C16orf78: variants seen among roughly 807,000 people sequenced by gnomAD.
C16orf78 encodes the protein chromosome 16 open reading frame 78.
C16orf78 carries 19 observed loss-of-function variants against 27.3 expected under a neutral mutation model. The observed-to-expected ratio is 0.70, with a 90% CI of 0.49 to 1.02. The LOEUF (loss-of-function observed/expected upper bound fraction) is 1.02. Among genes scored for constraint, C16orf78 ranks in the 50% least tolerant of loss-of-function variants. The probability of loss-of-function intolerance (pLI) is 0.00; values close to 1 mark genes in which losing one functional copy is unlikely to be tolerated. For synonymous variants in C16orf78, 130 were observed against 116.1 expected, an observed-to-expected ratio of 1.12 and a Z score of -0.77; for missense variants, 339 against 337.0, an observed-to-expected ratio of 1.01 and a Z score of -0.05.
At chr16:49,377,936 C>T in intron 2 of C16orf78, 86 bp downstream of exon 2, 2 of 1,478,326 alleles carry the variant, frequency 1.4e-6, no homozygotes, top group South Asian at 2.6e-5. Flanking sequence ...ATAATGCCTG[C>T]CTACTTTCTA....
chr16:49,378,640 TCTC>T lies in C16orf78; in HGVS notation c.394+54_394+56del, dbSNP rs760219055. 18 of 1,609,720 alleles carry T rather than the reference TCTC, an allele frequency of 1.1e-5. No individual in the cohort carries two copies. The African/African-American group carries it at 1.2e-4, about 11-fold the overall frequency. ...CGGCCACCAGAATCCTGCTCCATAATCTCCTCCTCTAGAAGAAACCGAAAGCTC... is the reference window on the plus strand; with the variant it reads ...CGGCCACCAGAATCCTGCTCCATAATCTCCTCTAGAAGAAACCGAAAGCTC... On this transcript the variant is annotated intron_variant, in intron 3 of 4. Transcript: ENST00000299191.
rs775361605 is a variant in C16orf78, at chr16:49,396,681, G to A, written c.650+3G>A. ...CCAGAGGAGGTGCTGAGCTGCCGGT[G>A]AGAGCTGCCACCCCCTGGGCAGATG... On this transcript the variant is annotated splice_donor_region_variant and intron_variant, in intron 4 of 4. Transcript: ENST00000299191. 1 of 1,605,056 alleles carries A rather than the reference G, an allele frequency of 6.2e-7. No homozygotes were observed. Among genetic ancestry groups the A allele is most frequent in the Non-Finnish European group, 8.5e-7 (1 of 1,179,776 alleles).
intron 3 of C16orf78, among the ~76,000 whole-genome samples, 170 bp downstream of exon 3, chr16:49,378,763 G>C (rs905908607): frequency 2.6e-5 from 4 of 152,112 alleles, no homozygotes; most frequent in African/African-American, 9.7e-5. Context: ...GACCACTCCT[G>C]GGGTCGCTCT....
chr16:49,393,246 C>A (rs894851253), intron 3 of C16orf78, among the ~76,000 whole-genome samples: 11 of 152,226 alleles, frequency 7.2e-5, no homozygotes, highest in Admixed American at 4.6e-4. Context: ...ACACCTCCTT[C>A]AGAACCAAAT....
intron 4 of C16orf78, among the ~76,000 whole-genome samples, chr16:49,398,815 A>G (rs27798): frequency 0.073 from 11,050 of 152,250 alleles, 1,099 homozygotes; most frequent in African/African-American, 0.22. Context: ...TTATTTATAT[A>G]GCTTTTCTTT....
chr16:49,375,885 G>A (rs1199773858), intron 1 of C16orf78, among the ~76,000 whole-genome samples: 3 of 152,154 alleles, frequency 2.0e-5, no homozygotes, highest in African/African-American at 7.2e-5. Flanking sequence ...TGGTTAATAT[G>A]TTCAGGTCTA....
chr16:49,388,049 C>T (rs1036638263), intron 3 of C16orf78, among the ~76,000 whole-genome samples: 1 of 152,104 alleles, frequency 6.6e-6, no homozygotes, highest in Non-Finnish European at 1.5e-5. Context: ...ATTTGGGAGG[C>T]CGAGACAGGC....
chr16:49,383,221 C>A (rs1965308847), intron 3 of C16orf78, among the ~76,000 whole-genome samples: 2 of 152,342 alleles, frequency 1.3e-5, no homozygotes, highest in African/African-American at 4.8e-5. Flanking sequence ...GCACCCAGGA[C>A]CTAGTCAGGG....
At chr16:49,384,640 C>T (rs1450166032) in intron 3 of C16orf78, among the ~76,000 whole-genome samples, 1 of 152,082 alleles carries the variant, frequency 6.6e-6, no homozygotes, top group Non-Finnish European at 1.5e-5. Context: ...GAAATAATGG[C>T]TGCAAAGTTC....
Position 49,399,122 on chromosome 16 carries a change from C to T in C16orf78, c.651-9C>T. On this transcript the variant is annotated splice_polypyrimidine_tract_variant and intron_variant, in intron 4 of 4. Coordinates refer to ENST00000299191, the MANE Select transcript of C16orf78 (RefSeq NM_144602.4). Reference sequence around the variant, plus strand: ...CTTCAACTGACCTCTTTTGCCTTCTCTTGAACAGATACCTGAGGTTATCCA... The same window carrying T: ...CTTCAACTGACCTCTTTTGCCTTCTTTTGAACAGATACCTGAGGTTATCCA... 6.2e-7 allele frequency: 1 copy of T among 1,613,642 alleles called. No homozygotes were observed. The highest frequency in any genetic ancestry group is 8.5e-7 in the Non-Finnish European group (1 of 1,179,742).
chr16:49,377,685 G>C, intron 1 of C16orf78, 46 bp from the exon 2 acceptor site: 1 of 1,582,718 alleles, frequency 6.3e-7, no homozygotes, highest in Non-Finnish European at 8.6e-7. Context: ...AGGGGATGCT[G>C]TCCCCACAGC....
Position 49,377,812 on chromosome 16 carries a change from C to A in C16orf78, c.232C>A (p.Arg78=). Residue 78 remains arginine (R), a synonymous_variant, in exon 2 of 5, where the codon CGG becomes AGG. Transcript: ENST00000299191. The part of the protein sequence containing the change: ...EKKGKGLMTA[R]GGNRRDTETS... ...GAAAGGCAAAGGCCTCATGACAGCA[C>A]GGGGAGGGAACCGCAGGGACACGGA... 2 of 1,588,986 alleles carry A rather than the reference C, an allele frequency of 1.3e-6. No homozygotes were observed. The highest frequency in any genetic ancestry group is 1.7e-6 in the Non-Finnish European group (2 of 1,166,746).
At chr16:49,384,605 A>G (rs1353180309) in intron 3 of C16orf78, among the ~76,000 whole-genome samples, 1 of 152,122 alleles carries the variant, frequency 6.6e-6, no homozygotes, top group African/African-American at 2.4e-5. Flanking sequence ...TAAGAAGGAG[A>G]ATAGAGTGAT....
In C16orf78 at chr16:49,396,467, C is replaced by A; in HGVS notation, c.439C>A (p.Pro147Thr). Reference sequence around the variant, plus strand: ...AGTCGACCCAGAGTCCACTCAGCGGCCAAACCCATTCCGTCGACAAAGCAT... The same window carrying A: ...AGTCGACCCAGAGTCCACTCAGCGGACAAACCCATTCCGTCGACAAAGCAT... ...DAVDPESTQRPNPFRRQSIVL... is the reference protein window; with the variant it reads ...DAVDPESTQRTNPFRRQSIVL... The change falls in exon 4 of 5, where the codon CCA becomes ACA. Residue 147 changes from proline to threonine, a missense_variant. Pro to Thr is a conservative substitution (Grantham distance 38, BLOSUM62 -1). Coordinates refer to ENST00000299191, the MANE Select transcript of C16orf78 (RefSeq NM_144602.4). 6.2e-7 allele frequency: 1 copy of A among 1,614,200 alleles called. No homozygotes were observed. The highest frequency in any genetic ancestry group is 8.5e-7 in the Non-Finnish European group (1 of 1,180,024).
intron 3 of C16orf78, among the ~76,000 whole-genome samples, chr16:49,395,971 G>A (rs367672196): frequency 3.3e-5 from 5 of 152,108 alleles, no homozygotes; most frequent in African/African-American, 9.7e-5. Flanking sequence ...GGCTAGGCAC[G>A]GTGGCTCATG....
chr16:49,397,712 T>C (rs1965491184), intron 4 of C16orf78, among the ~76,000 whole-genome samples: 1 of 152,066 alleles, frequency 6.6e-6, no homozygotes, highest in Non-Finnish European at 1.5e-5. Context: ...TTTGAAGAGG[T>C]AGCATATGAA....
At chr16:49,388,669 G>A (rs1965377399) in intron 3 of C16orf78, among the ~76,000 whole-genome samples, 1 of 152,082 alleles carries the variant, frequency 6.6e-6, no homozygotes, top group African/African-American at 2.4e-5. Flanking sequence ...ACGCCACCAT[G>A]GCCAGCAAAT....
intron 3 of C16orf78, among the ~76,000 whole-genome samples, chr16:49,392,468 G>T (rs1049838401): frequency 6.6e-6 from 1 of 152,096 alleles, no homozygotes; most frequent in African/African-American, 2.4e-5. Flanking sequence ...AAAAGGAAAA[G>T]CAAAGAAACA....
At chr16:49,378,398 G>A (rs1433072130) in intron 2 of C16orf78, 72 bp from the exon 3 acceptor site, 3 of 1,516,926 alleles carry the variant, frequency 2.0e-6, no homozygotes, top group Non-Finnish European at 2.6e-6. Flanking sequence ...ATTGCTGTTT[G>A]CTTGGGATGG....
Sources: allele counts gnomAD v4.1 joint callset (sites outside exome capture counted in the v4.1 genomes callset), GRCh38; gene constraint gnomAD v4.1.1; transcripts MANE v1.5; gene names NCBI Gene and HGNC (gene_info 2026-07-23, HGNC 2026-07-21).